TMEM217B: variants seen among roughly 807,000 people sequenced by gnomAD.
The protein encoded by TMEM217B is transmembrane protein 217B, also known as putative transmembrane protein 217B.
At chr6:37,225,305 T>C in the TMEM217B span, among the ~76,000 whole-genome samples, 2 of 152,124 alleles carry the variant, frequency 1.3e-5, no homozygotes, top group East Asian at 1.9e-4. Flanking sequence ...CAGGGGCACA[T>C]AGATAATTAT....
At chr6:37,227,085 C>A in the TMEM217B span, among the ~76,000 whole-genome samples, 1 of 152,242 alleles carries the variant, frequency 6.6e-6, no homozygotes, top group Non-Finnish European at 1.5e-5. Flanking sequence ...GAACTCACAA[C>A]TTTCTGCCTC....
At chr6:37,229,444 T>C in the TMEM217B span, among the ~76,000 whole-genome samples, 1 of 147,980 alleles carries the variant, frequency 6.8e-6, no homozygotes, top group Non-Finnish European at 1.5e-5. Flanking sequence ...CCGGGTTCAC[T>C]CTATTCTCCT....
At chr6:37,230,701 CT>C in the TMEM217B span, among the ~76,000 whole-genome samples, 1 of 152,122 alleles carries the variant, frequency 6.6e-6, no homozygotes, top group African/African-American at 2.4e-5. Context: ...AAATTAATTT[CT>C]GTTGTTTAAG....
At chr6:37,239,951 A>T in the TMEM217B span, among the ~76,000 whole-genome samples, 1 of 151,914 alleles carries the variant, frequency 6.6e-6, no homozygotes, top group Non-Finnish European at 1.5e-5. Context: ...AAACAATAGT[A>T]GTTTAAACAA....
the TMEM217B span, among the ~76,000 whole-genome samples, chr6:37,245,722 G>T: frequency 6.6e-6 from 1 of 152,024 alleles, no homozygotes; most frequent in Non-Finnish European, 1.5e-5. Context: ...GGAAGAGCAG[G>T]AGGAGGACGA....
the TMEM217B span, chr6:37,212,348 A>G: frequency 2.8e-6 from 1 of 358,488 alleles, no homozygotes; most frequent in Non-Finnish European, 5.5e-6. Context: ...GAAGACAGGC[A>G]GGGTAGGGAG....
At chr6:37,218,780 T>G in the TMEM217B span, 1 of 1,614,110 alleles carries the variant, frequency 6.2e-7, no homozygotes, top group Non-Finnish European at 8.5e-7. Context: ...ATACACTGAG[T>G]ACAGGAGGAA....
At chr6:37,223,322 A>G in the TMEM217B span, among the ~76,000 whole-genome samples, 2 of 152,222 alleles carry the variant, frequency 1.3e-5, no homozygotes, top group Admixed American at 6.5e-5. Flanking sequence ...TATGGTACTC[A>G]AACTATGGAA....
the TMEM217B span, among the ~76,000 whole-genome samples, chr6:37,247,608 G>A: frequency 1.3e-5 from 2 of 151,954 alleles, no homozygotes; most frequent in South Asian, 2.1e-4. Flanking sequence ...GGATGGTCTC[G>A]ATCTCCTGAC....
chr6:37,226,235 CTCT>C, the TMEM217B span, among the ~76,000 whole-genome samples: 1 of 147,152 alleles, frequency 6.8e-6, no homozygotes, highest in Non-Finnish European at 1.5e-5. Context: ...GATCACCATT[CTCT>C]TTTTTTGTTT....
chr6:37,239,720 A>T, the TMEM217B span, among the ~76,000 whole-genome samples: 1 of 152,018 alleles, frequency 6.6e-6, no homozygotes, highest in Non-Finnish European at 1.5e-5. Flanking sequence ...TTTCAGATGG[A>T]TCTCTTGCAA....
the TMEM217B span, among the ~76,000 whole-genome samples, chr6:37,216,371 G>A: frequency 3.3e-5 from 5 of 152,116 alleles, no homozygotes; most frequent in Non-Finnish European, 7.3e-5. Flanking sequence ...GAGCCCCTGC[G>A]CCTGGCCCGA....
At chr6:37,235,511 AC>A in the TMEM217B span, among the ~76,000 whole-genome samples, 1 of 152,062 alleles carries the variant, frequency 6.6e-6, no homozygotes, top group Non-Finnish European at 1.5e-5. Context: ...GACTACAGGC[AC>A]CCGCCACCAC....
At chr6:37,219,123 AT>A in the TMEM217B span, 1 of 1,252,036 alleles carries the variant, frequency 8.0e-7, no homozygotes, top group Non-Finnish European at 1.1e-6. Flanking sequence ...CCTTCCCCAA[AT>A]CTACTTTGGA....
At chr6:37,213,817 C>T in the TMEM217B span, among the ~76,000 whole-genome samples, 1 of 152,228 alleles carries the variant, frequency 6.6e-6, no homozygotes, top group Non-Finnish European at 1.5e-5. Flanking sequence ...TTCTTACTGG[C>T]TCCCAATTCA....
chr6:37,257,617 C>A, the TMEM217B span: 2 of 420,044 alleles, frequency 4.8e-6, no homozygotes, highest in South Asian at 3.5e-5. Flanking sequence ...CCTCTCGGCT[C>A]GTCCAAGCTC....
chr6:37,251,931 T>C, the TMEM217B span, among the ~76,000 whole-genome samples: 1 of 152,240 alleles, frequency 6.6e-6, no homozygotes, highest in East Asian at 1.9e-4. Context: ...TTCACTCTTG[T>C]TGCCCAGGCT....
At chr6:37,257,838 G>A in the TMEM217B span, 1 of 1,515,942 alleles carries the variant, frequency 6.6e-7, no homozygotes, top group Non-Finnish European at 9.0e-7. Context: ...GCCTGGGTTG[G>A]CCCTCAGATT....
the TMEM217B span, among the ~76,000 whole-genome samples, chr6:37,222,195 T>G: frequency 6.6e-6 from 1 of 152,200 alleles, no homozygotes; most frequent in Non-Finnish European, 1.5e-5. Flanking sequence ...GAGGCACCAC[T>G]TAGGTCTGCA....
Sources: gnomAD v4.1 joint callset for allele counts (sites outside exome capture counted in the v4.1 genomes callset) on GRCh38, gnomAD v4.1.1 for gene constraint, MANE v1.5 for transcripts, NCBI Gene and HGNC (gene_info 2026-07-23, HGNC 2026-07-21) for gene names.